AIFM3: variants seen among roughly 807,000 people sequenced by gnomAD.
The protein encoded by AIFM3 is AIF family member 3, also known as apoptosis-inducing factor 3.
AIFM3 carries 71 observed loss-of-function variants against 82.7 expected under a neutral mutation model. The ratio of observed to expected loss-of-function variants is 0.86; its 90% CI spans 0.71 to 1.05. AIFM3 has a LOEUF of 1.05. Among genes scored for constraint, AIFM3 ranks in the 50% least tolerant of loss-of-function variants. AIFM3 has a pLI of 0.00. For missense variants in AIFM3, 748 were observed against 816.7 expected (o/e 0.92, Z 1.03); for synonymous variants, 337 against 329.1 (o/e 1.02, Z -0.26).
chr22:20,980,068 G>C lies in AIFM3; in HGVS notation c.1701G>C (p.Val567=). 1 of 1,611,284 alleles carries C rather than the reference G, an allele frequency of 6.2e-7. No individual in the cohort carries two copies. The highest frequency in any genetic ancestry group is 8.5e-7 in the Non-Finnish European group (1 of 1,180,008). ...AVASMNYDPI[V]SKVAEVLASG... ...CCAGCATGAACTACGATCCCATTGT[G>C]TCCAAGGTCGCTGAGGTGCTGGCCT... The change falls in exon 19 of 21, where the codon GTG becomes GTC. Residue 567 remains valine (V), a synonymous_variant. Transcript: ENST00000440238.
chr22:20,968,469 CCT>C (rs1320963627), intron 2 of AIFM3, among the ~76,000 whole-genome samples: 3 of 152,112 alleles, frequency 2.0e-5, no homozygotes, highest in African/African-American at 4.8e-5. Context: ...CTCTTTGCCT[CCT>C]CTGATCCCCT....
chr22:20,978,257 A>G (rs773613721), intron 16 of AIFM3, among the ~76,000 whole-genome samples: 1 of 143,240 alleles, frequency 7.0e-6, no homozygotes, highest in Non-Finnish European at 1.5e-5. Flanking sequence ...CTTCAAGGAC[A>G]TATATTCTGC....
intron 2 of AIFM3, among the ~76,000 whole-genome samples, chr22:20,970,770 T>G (rs531724271): frequency 1.3e-5 from 2 of 152,266 alleles, no homozygotes; most frequent in South Asian, 2.1e-4. Context: ...CAACTGGCAA[T>G]TTTTAAATTT....
intron 2 of AIFM3, among the ~76,000 whole-genome samples, chr22:20,972,629 T>C (rs990664642): frequency 6.6e-6 from 1 of 152,142 alleles, no homozygotes; most frequent in Non-Finnish European, 1.5e-5. Context: ...ACATTGTCAT[T>C]GTCCATCAGA....
rs1193795432 is a variant in AIFM3, at chr22:20,967,825, G to A, written c.-120G>A. 1.8e-6 allele frequency: 2 copies of A among 1,096,388 alleles called. No homozygotes were observed. The highest frequency in any genetic ancestry group is 2.8e-6 in the Non-Finnish European group (2 of 720,376). The allele number at this position is 1,096,388 out of a possible 1,614,324, so 67.9% of individuals were successfully genotyped here. A position where few individuals can be genotyped will look rare whatever the true frequency, so the allele number is the denominator to read the frequency against. ...TGCAGGTCCTAGAGCAGCTCCAGCAGGATGGCGGCTCCAGCGTCTCTAAGG... is the reference window on the plus strand; with the variant it reads ...TGCAGGTCCTAGAGCAGCTCCAGCAAGATGGCGGCTCCAGCGTCTCTAAGG... On this transcript the variant is annotated 5_prime_UTR_variant, in exon 2 of 21. Transcript: ENST00000440238.
rs1923904029 is a variant in AIFM3, at chr22:20,979,263, TC to T, written c.1478-5del. ...GAGTTAGGGTTCTCACGGCCCTGGG[TC>T]CCGCAGGGCGCGTGGCAGCCCAGAA... On this transcript the variant is annotated splice_region_variant and splice_polypyrimidine_tract_variant and intron_variant, in intron 16 of 20. Transcript: ENST00000440238. 1.0e-5 allele frequency: 16 copies of T among 1,553,024 alleles called. No individual in the cohort carries two copies. Among genetic ancestry groups the T allele is most frequent in the Non-Finnish European group, 1.3e-5 (15 of 1,147,902 alleles).
intron 2 of AIFM3, among the ~76,000 whole-genome samples, chr22:20,968,326 C>T (rs937019613): frequency 2.6e-5 from 4 of 152,158 alleles, no homozygotes; most frequent in Admixed American, 6.5e-5. Flanking sequence ...GCTGGGGACA[C>T]GCTCAGCCAC....
At chr22:20,975,852 T>G in intron 9 of AIFM3, 74 bp downstream of exon 9, 1 of 1,524,872 alleles carries the variant, frequency 6.6e-7, no homozygotes, top group Non-Finnish European at 9.0e-7. Flanking sequence ...GCCCCTGGGG[T>G]GGGGTCTTGG....
intron 15 of AIFM3, 55 bp downstream of exon 15, chr22:20,977,831 G>C: frequency 6.2e-7 from 1 of 1,614,038 alleles, no homozygotes; most frequent in Non-Finnish European, 8.5e-7. Flanking sequence ...GGAGTGGCAG[G>C]AGGTTCAGGT....
intron 14 of AIFM3, 161 bp from the exon 15 acceptor site, chr22:20,977,539 G>T: frequency 2.5e-6 from 2 of 798,560 alleles, no homozygotes; most frequent in African/African-American, 1.7e-5. Flanking sequence ...CGGGTCTGTG[G>T]GAGACCGGGT....
intron 9 of AIFM3, 105 bp downstream of exon 9, chr22:20,975,883 A>T: frequency 7.6e-7 from 1 of 1,311,814 alleles, no homozygotes; most frequent in Non-Finnish European, 1.1e-6. Flanking sequence ...TCCTGGCCCC[A>T]CAGCCCAGGC....
intron 2 of AIFM3, among the ~76,000 whole-genome samples, chr22:20,971,590 C>G (rs1923270510): frequency 6.6e-6 from 1 of 152,222 alleles, no homozygotes; most frequent in Admixed American, 6.5e-5. Flanking sequence ...GGAGGTGCAT[C>G]TCGGCAGCCT....
chr22:20,973,659 C>T lies in AIFM3; in HGVS notation c.246-99C>T, dbSNP rs887798967. ...TGGTCACTGCCTTTGTGGCTTCTAC[C>T]GGTCTGGGCCTGCTCCCCAGAAGGC... On this transcript the variant is annotated intron_variant, in intron 3 of 20. Transcript: ENST00000440238. The T allele has an allele frequency of 2.7e-4, 378 of 1,400,444 alleles. 1 individual carries two copies. Among genetic ancestry groups the T allele is most frequent in the Non-Finnish European group, 3.4e-4 (349 of 1,034,898 alleles). 86.8% of individuals were successfully genotyped at this position (1,400,444 alleles called of 1,614,324 possible).
Position 20,967,855 on chromosome 22 carries a change from C to T in AIFM3, c.-90C>T. On this transcript the variant is annotated 5_prime_UTR_variant, in exon 2 of 21. Coordinates refer to ENST00000440238, the MANE Select transcript of AIFM3 (RefSeq NM_001386814.1). The stretch of plus-strand genomic sequence containing the variant: ...GCGGCTCCAGCGTCTCTAAGGCCTG[C>T]AGGGGGTCCAGCCCCATGGGGGGCG... The T allele has an allele frequency of 4.2e-6, 6 of 1,444,346 alleles. No individual in the cohort carries two copies. Among genetic ancestry groups the T allele is most frequent in the Non-Finnish European group, 5.8e-6 (6 of 1,028,504 alleles). 89.5% of individuals were successfully genotyped at this position (1,444,346 alleles called of 1,614,324 possible).
chr22:20,980,168 G>A, intron 19 of AIFM3, 44 bp downstream of exon 19: 1 of 1,578,162 alleles, frequency 6.3e-7, no homozygotes, highest in African/African-American at 1.3e-5. Context: ...GTAGTTCCCT[G>A]GAGTACTGGC....
intron 2 of AIFM3, among the ~76,000 whole-genome samples, chr22:20,968,196 G>A (rs929486468): frequency 6.6e-6 from 1 of 152,140 alleles, no homozygotes; most frequent in Non-Finnish European, 1.5e-5. Flanking sequence ...TTTTTCTTTG[G>A]GGCTTTGAGT....
chr22:20,973,223 A>G (rs1005421136), intron 2 of AIFM3, 84 bp from the exon 3 acceptor site: 1 of 1,477,622 alleles, frequency 6.8e-7, no homozygotes, highest in South Asian at 1.2e-5. Flanking sequence ...TGGCACCCCG[A>G]GGAGCTGGCC....
intron 20 of AIFM3, 32 bp downstream of exon 20, chr22:20,980,799 G>C: frequency 6.2e-7 from 1 of 1,613,944 alleles, no homozygotes; most frequent in South Asian, 1.1e-5. Flanking sequence ...ACCGTTCTGA[G>C]CCTTTCCCAT....
intron 8 of AIFM3, among the ~76,000 whole-genome samples, chr22:20,975,209 C>T (rs143001871): frequency 4.6e-5 from 7 of 151,506 alleles, no homozygotes; most frequent in Non-Finnish European, 7.4e-5. Flanking sequence ...TCAGCCCATC[C>T]GCCCACCTCA....
Sources: allele counts gnomAD v4.1 joint callset (sites outside exome capture counted in the v4.1 genomes callset), GRCh38; gene constraint gnomAD v4.1.1; transcripts MANE v1.5; gene names NCBI Gene and HGNC (gene_info 2026-07-23, HGNC 2026-07-21).